Variants in ST8SIA6 observed in about 807,000 individuals in gnomAD.
ST8SIA6 encodes the protein ST8 alpha-N-acetyl-neuraminide alpha-2,8-sialyltransferase 6.
A neutral mutation model predicts 33.6 loss-of-function variants in ST8SIA6; 39 were observed. That is an observed-to-expected ratio of 1.16 (90% CI 0.90 to 1.52). The LOEUF is 1.52. Ranked by LOEUF, ST8SIA6 falls within the 40% of genes most tolerant of loss-of-function variation. ST8SIA6 has a pLI of 0.00. For missense variants in ST8SIA6, 441 were observed against 443.8 expected, an observed-to-expected ratio of 0.99 and a Z score of 0.06; for synonymous variants, 172 against 167.2, an observed-to-expected ratio of 1.03 and a Z score of -0.22.
chr10:17,435,958 C>T (rs1382675036), intron 2 of ST8SIA6, among the ~76,000 whole-genome samples: 1 of 152,104 alleles, frequency 6.6e-6, no homozygotes, highest in African/African-American at 2.4e-5. Context: ...AGTCTAGGGA[C>T]CAGCGGAGGG....
intron 2 of ST8SIA6, among the ~76,000 whole-genome samples, chr10:17,392,991 C>T (rs1414612930): frequency 6.6e-6 from 1 of 152,202 alleles, no homozygotes; most frequent in Non-Finnish European, 1.5e-5. Flanking sequence ...TTTGAATCAA[C>T]AGACTGAGTA....
intron 2 of ST8SIA6, among the ~76,000 whole-genome samples, chr10:17,393,068 G>C (rs114849114): frequency 0.017 from 2,651 of 152,316 alleles, 75 homozygotes; most frequent in African/African-American, 0.06. Flanking sequence ...GAACAAAAAA[G>C]TGGAGGAAGG....
chr10:17,348,036 C>T (rs1175298240), intron 4 of ST8SIA6, among the ~76,000 whole-genome samples: 1 of 143,668 alleles, frequency 7.0e-6, no homozygotes, highest in East Asian at 2.0e-4. Context: ...ACAAAATCAA[C>T]AGTTAAGATG....
intron 3 of ST8SIA6, among the ~76,000 whole-genome samples, chr10:17,380,114 C>G (rs1230700581): frequency 6.6e-6 from 1 of 152,188 alleles, no homozygotes; most frequent in East Asian, 1.9e-4. Flanking sequence ...TTGCTTCCAA[C>G]AGGAAGGCAA....
intron 2 of ST8SIA6, among the ~76,000 whole-genome samples, chr10:17,418,232 T>C (rs1172859622): frequency 6.6e-6 from 1 of 152,100 alleles, no homozygotes; most frequent in African/African-American, 2.4e-5. Context: ...CTAATTTTTT[T>C]TTGCATTTTT....
intron 3 of ST8SIA6, among the ~76,000 whole-genome samples, chr10:17,386,663 C>T (rs796190201): frequency 4.2e-4 from 64 of 152,316 alleles, no homozygotes; most frequent in African/African-American, 1.5e-3. Context: ...CAACACAAGG[C>T]AGTGTGGAGC....
chr10:17,450,190 G>A (rs112577398), intron 2 of ST8SIA6, among the ~76,000 whole-genome samples: 17 of 152,216 alleles, frequency 1.1e-4, no homozygotes, highest in African/African-American at 3.9e-4. Context: ...ATCCCTGAAA[G>A]GTAACATCAG....
chr10:17,416,962 G>C (rs1851627017), intron 2 of ST8SIA6, among the ~76,000 whole-genome samples: 1 of 152,090 alleles, frequency 6.6e-6, no homozygotes, highest in Non-Finnish European at 1.5e-5. Context: ...CTCTGTATTG[G>C]TCCATTTACA....
At chr10:17,452,497 T>C (rs1852949728) in intron 2 of ST8SIA6, among the ~76,000 whole-genome samples, 2 of 152,172 alleles carry the variant, frequency 1.3e-5, no homozygotes, top group African/African-American at 4.8e-5. Flanking sequence ...CTTGTGAAAA[T>C]GTAAATTGAT....
In ST8SIA6 at chr10:17,447,477, A is replaced by AG. The variant is rs1466805656; in HGVS notation, c.200+6081_200+6082insC. 9.2e-5 allele frequency among the ~76,000 whole-genome samples: 14 copies of AG among 152,282 alleles called. No individual in the cohort carries two copies. The East Asian group carries it at 2.5e-3, about 27-fold the overall frequency. On this transcript the variant is annotated intron_variant, in intron 2 of 7. Transcript: ENST00000377602. ...AGCTTTCATGAACTACCAAAAAAAA[A>AG]AGTGCCCTCAAATATCTAAAGTTTC...
intron 2 of ST8SIA6, among the ~76,000 whole-genome samples, chr10:17,427,998 A>G (rs1002823957): frequency 1.3e-5 from 2 of 152,246 alleles, no homozygotes; most frequent in Non-Finnish European, 2.9e-5. Context: ...TTCTATTTGT[A>G]TGAAGAAAAA....
At chr10:17,325,392 G>A (rs959717151) in intron 6 of ST8SIA6, among the ~76,000 whole-genome samples, 12 of 145,842 alleles carry the variant, frequency 8.2e-5, no homozygotes, top group South Asian at 6.5e-4. Flanking sequence ...TACAGTATAC[G>A]ACAGTATATA....
chr10:17,410,872 C>T (rs1368923810), intron 2 of ST8SIA6, among the ~76,000 whole-genome samples: 1 of 152,110 alleles, frequency 6.6e-6, no homozygotes, highest in Non-Finnish European at 1.5e-5. Context: ...AATGATGTTA[C>T]TCAAGTGTTC....
intron 4 of ST8SIA6, among the ~76,000 whole-genome samples, chr10:17,341,900 C>CAAAAAAAAAAAAA (rs71393004): frequency 4.1e-5 from 3 of 73,164 alleles, no homozygotes; most frequent in African/African-American, 1.1e-4. Context: ...GGCTCCATCT[C>CAAAAAAAAAAAAA]AAAAAAAAAA....
At chr10:17,411,745 C>T (rs980040952) in intron 2 of ST8SIA6, among the ~76,000 whole-genome samples, 1 of 152,162 alleles carries the variant, frequency 6.6e-6, no homozygotes, top group African/African-American at 2.4e-5. Context: ...TCTAAAGTAC[C>T]TTCCACCTGG....
intron 2 of ST8SIA6, among the ~76,000 whole-genome samples, chr10:17,405,237 A>G (rs1212895042): frequency 6.6e-6 from 1 of 152,080 alleles, no homozygotes; most frequent in Non-Finnish European, 1.5e-5. Flanking sequence ...CAGGCATGGT[A>G]GTACCTGCCT....
chr10:17,436,935 C>T (rs986862318), intron 2 of ST8SIA6, among the ~76,000 whole-genome samples: 5 of 152,056 alleles, frequency 3.3e-5, no homozygotes, highest in Admixed American at 2.0e-4. Flanking sequence ...CAGCCACGTG[C>T]GACTGTGAAT....
intron 2 of ST8SIA6, among the ~76,000 whole-genome samples, chr10:17,392,335 A>T (rs188951041): frequency 6.6e-5 from 10 of 152,134 alleles, no homozygotes; most frequent in Non-Finnish European, 1.2e-4. Flanking sequence ...GGATGATCCA[A>T]ACAAAGTGGG....
At chr10:17,335,465 C>T (rs190327378) in intron 4 of ST8SIA6, among the ~76,000 whole-genome samples, 26 of 152,202 alleles carry the variant, frequency 1.7e-4, no homozygotes, top group East Asian at 5.8e-4. Context: ...ATTCTCAAGA[C>T]GTGAAAAGTA....
Sources: gnomAD v4.1 joint callset for allele counts (sites outside exome capture counted in the v4.1 genomes callset) on GRCh38, gnomAD v4.1.1 for gene constraint, MANE v1.5 for transcripts, NCBI Gene and HGNC (gene_info 2026-07-23, HGNC 2026-07-21) for gene names.